ADCK1: variants seen among roughly 807,000 people sequenced by gnomAD.
ADCK1 encodes aarF domain containing kinase 1.
In ADCK1, 41 loss-of-function variants were observed where a neutral mutation model predicts 52.3. The ratio of observed to expected loss-of-function variants is 0.78; its 90% confidence interval spans 0.61 to 1.02. The LOEUF is 1.02. Ranked by LOEUF, ADCK1 falls within the 50% of genes least tolerant of loss-of-function variation. ADCK1 has a pLI of 0.00. For missense variants in ADCK1, 658 were observed against 679.5 expected, an observed-to-expected ratio of 0.97 and a Z score of 0.35; for synonymous variants, 250 against 274.6, an observed-to-expected ratio of 0.91 and a Z score of 0.89.
chr14:77,841,364 A>C (rs1045514342), intron 3 of ADCK1, among the ~76,000 whole-genome samples: 1 of 152,182 alleles, frequency 6.6e-6, no homozygotes, highest in African/African-American at 2.4e-5. Flanking sequence ...CTGGGAGCTC[A>C]GGTCAAGAAC....
At chr14:77,806,979 C>T (rs10136063) in intron 1 of ADCK1, among the ~76,000 whole-genome samples, 4,379 of 149,168 alleles carry the variant, frequency 0.029, 206 homozygotes, top group African/African-American at 0.1. Flanking sequence ...CCTCCCAAAG[C>T]GTTGGGATTA....
At chr14:77,884,728 T>A (rs1336082582) in intron 4 of ADCK1, among the ~76,000 whole-genome samples, 2 of 152,206 alleles carry the variant, frequency 1.3e-5, no homozygotes, top group Admixed American at 1.3e-4. Context: ...TACCCCAGGC[T>A]TATATTTTTA....
At chr14:77,909,986 A>G (rs1414886889) in intron 7 of ADCK1, among the ~76,000 whole-genome samples, 1 of 152,126 alleles carries the variant, frequency 6.6e-6, no homozygotes, top group African/African-American at 2.4e-5. Flanking sequence ...CTGTTAGGCC[A>G]CAAAGGAGGG....
intron 5 of ADCK1, 87 bp downstream of exon 5, chr14:77,887,336 G>T: frequency 7.1e-7 from 1 of 1,404,442 alleles, no homozygotes. Context: ...GTTCAAGCTG[G>T]TGAGTGGAGT....
chr14:77,840,106 T>C (rs1210745900), intron 3 of ADCK1, among the ~76,000 whole-genome samples: 2 of 152,038 alleles, frequency 1.3e-5, no homozygotes, highest in Admixed American at 1.3e-4. Flanking sequence ...AATTCAAGAA[T>C]AGCGTGAACC....
Position 77,932,579 on chromosome 14 carries a change from T to C in ADCK1, c.1401-641T>C, listed in dbSNP as rs564886428. On this transcript the variant is annotated intron_variant, in intron 10 of 10. Transcript: ENST00000238561. ...GGGAATGGACCATTCTGGGAACCTA[T>C]CTGGTGAAAGGAGATTTGACCACGT... Among the ~76,000 whole-genome samples the C allele has an allele frequency of 5.0e-4, 76 of 152,320 alleles. No individual in the cohort carries two copies. In the South Asian group the frequency reaches 0.015, roughly 30 times the overall value.
At chr14:77,915,442 T>C (rs1356496550) in intron 7 of ADCK1, among the ~76,000 whole-genome samples, 3 of 151,494 alleles carry the variant, frequency 2.0e-5, no homozygotes, top group Non-Finnish European at 4.4e-5. Flanking sequence ...ATTATGCTGC[T>C]ATAAAGACAC....
chr14:77,878,367 A>G (rs533715372), intron 4 of ADCK1, among the ~76,000 whole-genome samples: 1 of 152,380 alleles, frequency 6.6e-6, no homozygotes, highest in South Asian at 2.1e-4. Context: ...TGAAGGGACC[A>G]GACCTTACCC....
At chr14:77,907,687 C>G in intron 6 of ADCK1, 116 bp from the exon 7 acceptor site, 1 of 733,986 alleles carries the variant, frequency 1.4e-6, no homozygotes, top group South Asian at 1.9e-5. Flanking sequence ...TCCTGGGCCT[C>G]TTCTCCCTTG....
chr14:77,931,386 AGACAGCGGTGCCT>A lies in ADCK1; in HGVS notation c.1207-129_1207-117del. ...ATGGGGAGTGCTCCTAGCAGTGCCA[AGACAGCGGTGCCT>A]GAAGCTCCCTCCTGGGGCTTCTTTG... On this transcript the variant is annotated intron_variant, in intron 9 of 10. Coordinates refer to ENST00000238561, the MANE Select transcript of ADCK1 (RefSeq NM_020421.4). 4.5e-6 allele frequency: 4 copies of A among 886,812 alleles called. No individual in the cohort carries two copies. The South Asian group carries it at 6.6e-5, about 15-fold the overall frequency. The allele number at this position is 886,812 out of a possible 1,614,324, so 54.9% of individuals were successfully genotyped here.
chr14:77,839,009 T>G (rs1276841520), intron 3 of ADCK1, among the ~76,000 whole-genome samples: 2 of 152,212 alleles, frequency 1.3e-5, no homozygotes, highest in African/African-American at 2.4e-5. Flanking sequence ...TCTGCAGCAC[T>G]AAGAACAGTG....
chr14:77,863,752 A>G (rs142903422), intron 4 of ADCK1, among the ~76,000 whole-genome samples: 1 of 151,934 alleles, frequency 6.6e-6, no homozygotes, highest in African/African-American at 2.4e-5. Context: ...CAGGAGAATC[A>G]CTTGAACCCA....
intron 9 of ADCK1, among the ~76,000 whole-genome samples, chr14:77,929,425 G>A (rs556669492): frequency 1.3e-5 from 2 of 152,176 alleles, no homozygotes; most frequent in African/African-American, 2.4e-5. Flanking sequence ...GGAATAAGGC[G>A]CTATGTCTCC....
At chr14:77,892,652 A>AAG (rs1276668155) in intron 5 of ADCK1, among the ~76,000 whole-genome samples, 2,612 of 151,858 alleles carry the variant, frequency 0.017, 41 homozygotes, top group Admixed American at 0.045. Flanking sequence ...AAAAAAAAAA[A>AAG]AGAGATCCCT....
At chr14:77,857,249 AC>A (rs1451661283) in intron 3 of ADCK1, among the ~76,000 whole-genome samples, 1 of 152,082 alleles carries the variant, frequency 6.6e-6, no homozygotes, top group Non-Finnish European at 1.5e-5. Context: ...GGAGATGGAG[AC>A]TGCTGTGAGC....
intron 7 of ADCK1, among the ~76,000 whole-genome samples, chr14:77,914,905 G>A (rs2083881991): frequency 6.6e-6 from 1 of 152,006 alleles, no homozygotes; most frequent in African/African-American, 2.4e-5. Context: ...TTGGAGTTGG[G>A]TAATAGTCAT....
intron 3 of ADCK1, among the ~76,000 whole-genome samples, chr14:77,853,786 G>A (rs1393048286): frequency 2.0e-5 from 3 of 152,150 alleles, no homozygotes; most frequent in East Asian, 3.9e-4. Context: ...ATGCGGTGGG[G>A]TCTCTGCAGA....
chr14:77,839,239 G>A (rs1344178839), intron 3 of ADCK1, among the ~76,000 whole-genome samples: 1 of 152,196 alleles, frequency 6.6e-6, no homozygotes, highest in East Asian at 1.9e-4. Flanking sequence ...GAAGGGCTGC[G>A]GGGAGACTGT....
intron 3 of ADCK1, among the ~76,000 whole-genome samples, chr14:77,826,557 C>T (rs898887901): frequency 6.6e-6 from 1 of 152,096 alleles, no homozygotes; most frequent in Non-Finnish European, 1.5e-5. Flanking sequence ...GAACCAGATC[C>T]CTGGTGTTCA....
Sources: allele counts gnomAD v4.1 joint callset (sites outside exome capture counted in the v4.1 genomes callset), GRCh38; gene constraint gnomAD v4.1.1; transcripts MANE v1.5; gene names NCBI Gene and HGNC (gene_info 2026-07-23, HGNC 2026-07-21).